SLC16A10: variants seen among roughly 807,000 people sequenced by gnomAD.
SLC16A10 encodes monocarboxylate transporter 10.
In SLC16A10, 27 loss-of-function variants were observed where a neutral mutation model predicts 40.0. That is an observed-to-expected ratio of 0.67 (90% CI 0.50 to 0.93). The LOEUF (loss-of-function observed/expected upper bound fraction) is 0.93, where lower values mean the gene tolerates loss of function less well. Among genes scored for constraint, SLC16A10 ranks in the 40% least tolerant of loss-of-function variants. The pLI, the probability that SLC16A10 is intolerant of heterozygous loss-of-function variation, is 0.00. For synonymous variants in SLC16A10, 213 were observed against 249.8 expected (o/e 0.85, Z 1.39); for missense variants, 529 against 658.2 (o/e 0.80, Z 2.15).
intron 2 of SLC16A10, 137 bp from the exon 3 acceptor site, chr6:111,177,071 ATTTT>A (rs773411509): frequency 2.7e-5 from 11 of 412,196 alleles, no homozygotes; most frequent in African/African-American, 1.5e-4. Context: ...ATTTTGGTTA[ATTTT>A]TTTTTTTTTT....
At chr6:111,215,011 C>T (rs1009931860) in intron 4 of SLC16A10, among the ~76,000 whole-genome samples, 21 of 151,700 alleles carry the variant, frequency 1.4e-4, no homozygotes, top group African/African-American at 3.6e-4. Context: ...CCCAGCTACT[C>T]GGGAGGCTGA....
intron 1 of SLC16A10, among the ~76,000 whole-genome samples, chr6:111,129,174 C>T (rs1301551112): frequency 6.6e-6 from 1 of 152,096 alleles, no homozygotes; most frequent in Non-Finnish European, 1.5e-5. Context: ...CCAGGCAGCC[C>T]ATGTCAGTTT....
chr6:111,132,201 GAGAC>G (rs1213434121), intron 1 of SLC16A10, among the ~76,000 whole-genome samples: 1 of 152,142 alleles, frequency 6.6e-6, no homozygotes, highest in East Asian at 1.9e-4. Flanking sequence ...GAGAGAGAGA[GAGAC>G]AGAGACAGAG....
chr6:111,147,165 C>T (rs1208480080), intron 1 of SLC16A10, among the ~76,000 whole-genome samples: 2 of 152,068 alleles, frequency 1.3e-5, no homozygotes, highest in African/African-American at 4.8e-5. Context: ...CTAAGACACA[C>T]TGAATTGTAT....
At position 111,087,854 on chromosome 6, in the gene SLC16A10, A is replaced by G. The variant is rs759870184; in HGVS notation, c.102A>G (p.Gly34=). The G allele has an allele frequency of 6.0e-5, 86 of 1,426,476 alleles. No homozygotes were observed. In the Middle Eastern group the frequency reaches 7.5e-4, roughly 13 times the overall value. 88.4% of individuals were successfully genotyped at this position (1,426,476 alleles called of 1,614,324 possible). The part of the protein sequence containing the change: ...PTGAAPPPGP[G]PSDSPEAAVE... ...GGGCCGCTCCGCCGCCCGGCCCGGG[A>G]CCCTCGGACAGCCCCGAGGCGGCTG... The change falls in exon 1 of 6, where the codon GGA becomes GGG. Residue 34 remains glycine (G), a synonymous_variant. Transcript: ENST00000368851.
intron 1 of SLC16A10, among the ~76,000 whole-genome samples, chr6:111,154,335 G>A (rs553599261): frequency 9.2e-5 from 14 of 152,302 alleles, no homozygotes; most frequent in African/African-American, 3.4e-4. Context: ...TAGTAGGATA[G>A]GAGTAGAAAA....
intron 1 of SLC16A10, among the ~76,000 whole-genome samples, chr6:111,170,542 C>T (rs1016815528): frequency 5.3e-5 from 8 of 152,060 alleles, no homozygotes; most frequent in East Asian, 3.9e-4. Flanking sequence ...CACCATCTCC[C>T]GGGTTCAAGT....
chr6:111,111,412 T>C (rs921063377), intron 1 of SLC16A10, among the ~76,000 whole-genome samples: 9 of 152,162 alleles, frequency 5.9e-5, no homozygotes, highest in Admixed American at 6.5e-5. Context: ...CCACTCTCTT[T>C]AAATTTTTCA....
At chr6:111,140,411 T>G (rs1392629691) in intron 1 of SLC16A10, among the ~76,000 whole-genome samples, 1 of 151,932 alleles carries the variant, frequency 6.6e-6, no homozygotes, top group South Asian at 2.1e-4. Flanking sequence ...TGCAGTGAGC[T>G]GTGATCATGC....
At chr6:111,207,547 A>G (rs149000258) in intron 4 of SLC16A10, among the ~76,000 whole-genome samples, 58 of 152,338 alleles carry the variant, frequency 3.8e-4, no homozygotes, top group Non-Finnish European at 6.5e-4. Flanking sequence ...GCCCTCACCT[A>G]GTAGCTAATG....
rs1334450482 is a variant in SLC16A10 at position 111,224,674 on chromosome 6, AT to A, written c.*2440del. The A allele has an allele frequency of 2.0e-5, 3 of 152,240 alleles. No homozygotes were observed. The highest frequency in any genetic ancestry group is 7.2e-5 in the African/African-American group (3 of 41,470). 9.4% of individuals were successfully genotyped at this position (152,240 alleles called of 1,614,324 possible). On this transcript the variant is annotated 3_prime_UTR_variant, in exon 6 of 6. Coordinates refer to ENST00000368851, the MANE Select transcript of SLC16A10 (RefSeq NM_018593.5). ...AAACGTAAGATGCTAAATTCCATAA[AT>A]GCATATTTAGTACTATGTTTTTTGT...
Position 111,222,533 on chromosome 6 carries a change from G to T in SLC16A10, c.*298G>T. ...CTTTGGAAACTGTGAATGATCTTTAGCTTGTACAAATGTTTAAAAATACCT... is the reference window on the plus strand; with the variant it reads ...CTTTGGAAACTGTGAATGATCTTTATCTTGTACAAATGTTTAAAAATACCT... On this transcript the variant is annotated 3_prime_UTR_variant, in exon 6 of 6. Coordinates refer to ENST00000368851, the MANE Select transcript of SLC16A10 (RefSeq NM_018593.5). 1 of 288,084 alleles carries T rather than the reference G, an allele frequency of 3.5e-6. No homozygotes were observed. Among genetic ancestry groups the T allele is most frequent in the Non-Finnish European group, 6.4e-6 (1 of 156,986 alleles). 17.8% of individuals were successfully genotyped at this position (288,084 alleles called of 1,614,324 possible).
intron 1 of SLC16A10, among the ~76,000 whole-genome samples, chr6:111,116,869 C>T (rs758720388): frequency 6.6e-6 from 1 of 151,974 alleles, no homozygotes; most frequent in Non-Finnish European, 1.5e-5. Context: ...AAGAAAATGG[C>T]AGACAGAAGG....
At chr6:111,152,741 G>T (rs532044988) in intron 1 of SLC16A10, among the ~76,000 whole-genome samples, 38 of 152,240 alleles carry the variant, frequency 2.5e-4, no homozygotes, top group African/African-American at 9.2e-4. Flanking sequence ...TGGACCGAGG[G>T]GATAGATTTG....
chr6:111,206,858 C>T (rs1458189378), intron 4 of SLC16A10, 123 bp downstream of exon 4: 13 of 1,245,372 alleles, frequency 1.0e-5, no homozygotes, highest in South Asian at 3.1e-5. Flanking sequence ...GATGGAGTTT[C>T]GCTCTTATTG....
chr6:111,184,682 T>G (rs186576265), intron 3 of SLC16A10, among the ~76,000 whole-genome samples: 18 of 152,238 alleles, frequency 1.2e-4, no homozygotes, highest in Admixed American at 6.5e-4. Flanking sequence ...GGTTTCACCA[T>G]GTTGGCCAGG....
chr6:111,180,028 T>G (rs531557667), intron 3 of SLC16A10, among the ~76,000 whole-genome samples: 3 of 152,350 alleles, frequency 2.0e-5, no homozygotes, highest in Non-Finnish European at 4.4e-5. Flanking sequence ...GTAGATGATG[T>G]TCAATTCCTA....
intron 4 of SLC16A10, among the ~76,000 whole-genome samples, chr6:111,210,318 G>T (rs938738950): frequency 6.6e-6 from 1 of 152,156 alleles, no homozygotes; most frequent in Non-Finnish European, 1.5e-5. Flanking sequence ...AGGACAGTCT[G>T]GTCACACAGC....
At position 111,206,697 on chromosome 6, in the gene SLC16A10, G is replaced by A; in HGVS notation, c.1048G>A (p.Ala350Thr). 8 of 1,614,180 alleles carry A rather than the reference G, an allele frequency of 5.0e-6. No individual in the cohort carries two copies. The highest frequency in any genetic ancestry group is 5.9e-6 in the Non-Finnish European group (7 of 1,180,028). ...GVGRLLFGRIADYVPGVKKVY... is the reference protein window; with the variant it reads ...GVGRLLFGRITDYVPGVKKVY... ...TGGACGACTGCTCTTTGGCCGGATT[G>A]CAGATTATGTGCCTGGTGTGAAGAA... Residue 350 changes from alanine to threonine, a missense_variant, in exon 4 of 6, where the codon GCA becomes ACA. Ala to Thr is a moderately conservative substitution (Grantham distance 58). Transcript: ENST00000368851.
Sources: gnomAD v4.1 joint callset for allele counts (sites outside exome capture counted in the v4.1 genomes callset) on GRCh38, gnomAD v4.1.1 for gene constraint, MANE v1.5 for transcripts, NCBI Gene and HGNC (gene_info 2026-07-23, HGNC 2026-07-21) for gene names.